Variants in STARD13 observed in about 807,000 individuals in gnomAD.
STARD13 encodes the protein StAR related lipid transfer domain containing 13, also known as stAR-related lipid transfer protein 13.
STARD13 carries 62 observed loss-of-function variants against 106.4 expected under a neutral mutation model. The observed-to-expected ratio is 0.58, with a 90% CI of 0.48 to 0.72. The LOEUF (loss-of-function observed/expected upper bound fraction) is 0.72. Among genes scored for constraint, STARD13 ranks in the 30% least tolerant of loss-of-function variants. The probability of loss-of-function intolerance (pLI) is 0.00; values close to 1 mark genes in which losing one functional copy is unlikely to be tolerated. For missense variants in STARD13, 1,387 were observed against 1,424.0 expected (o/e 0.97, Z 0.42); for synonymous variants, 565 against 553.0 (o/e 1.02, Z -0.31).
In STARD13 at chr13:33,285,364, C is replaced by T. The variant is rs1457404638; in HGVS notation, c.169+106G>A. 9 of 1,221,714 alleles carry T rather than the reference C, an allele frequency of 7.4e-6. No individual in the cohort carries two copies. The Admixed American group carries it at 2.1e-4, about 28-fold the overall frequency. 75.7% of individuals were successfully genotyped at this position (1,221,714 alleles called of 1,614,324 possible). On this transcript the variant is annotated intron_variant, in intron 1 of 13. Coordinates refer to ENST00000336934, the MANE Select transcript of STARD13 (RefSeq NM_178006.4). ...TTACGGGTAGTGTGGCATAGAAATCCATATGTTATAAAGTGGAAACAAACA... is the reference window on the plus strand; with the variant it reads ...TTACGGGTAGTGTGGCATAGAAATCTATATGTTATAAAGTGGAAACAAACA...
At chr13:33,648,783 CT>C in the STARD13 span, among the ~76,000 whole-genome samples, 3,480 of 77,124 alleles carry the variant, frequency 0.045, 59 homozygotes, top group African/African-American at 0.19. Context: ...TTTTCTCTTT[CT>C]TTTTTTTTTT....
chr13:33,581,433 GACTA>G, the STARD13 span, among the ~76,000 whole-genome samples: 1 of 152,046 alleles, frequency 6.6e-6, no homozygotes, highest in Non-Finnish European at 1.5e-5. Context: ...TATCATAATA[GACTA>G]ACTATATTAC....
the STARD13 span, among the ~76,000 whole-genome samples, chr13:33,402,940 C>T: frequency 6.6e-6 from 1 of 152,244 alleles, no homozygotes; most frequent in Non-Finnish European, 1.5e-5. Flanking sequence ...CGTGTGTGAA[C>T]CGATTCTTCT....
the STARD13 span, among the ~76,000 whole-genome samples, chr13:33,501,391 G>A: frequency 0.99 from 150,079 of 152,264 alleles, 73,966 homozygotes; most frequent in East Asian, 1. Flanking sequence ...TAGTTTAATT[G>A]GATCCCATTT....
chr13:33,453,041 A>G, the STARD13 span, among the ~76,000 whole-genome samples: 1 of 152,210 alleles, frequency 6.6e-6, no homozygotes, highest in Non-Finnish European at 1.5e-5. Flanking sequence ...GTTGGGTATT[A>G]CCATGTGGCA....
At chr13:33,530,150 A>C in the STARD13 span, among the ~76,000 whole-genome samples, 2 of 151,232 alleles carry the variant, frequency 1.3e-5, no homozygotes, top group African/African-American at 4.9e-5. Context: ...CTTCTTCAAC[A>C]CCTTATTTTT....
chr13:33,174,341 G>A (rs957046964), intron 1 of STARD13, among the ~76,000 whole-genome samples: 7 of 151,352 alleles, frequency 4.6e-5, no homozygotes, highest in Admixed American at 1.3e-4. Flanking sequence ...CCACAGTGAC[G>A]CCCTGCCCTT....
the STARD13 span, among the ~76,000 whole-genome samples, chr13:33,445,072 T>G: frequency 3.9e-4 from 59 of 152,306 alleles, no homozygotes; most frequent in Non-Finnish European, 5.9e-4. Flanking sequence ...TAATTTTTTT[T>G]GGGAGGCTAT....
chr13:33,206,791 C>T (rs1416427972), intron 1 of STARD13, among the ~76,000 whole-genome samples: 1 of 152,138 alleles, frequency 6.6e-6, no homozygotes, highest in East Asian at 1.9e-4. Flanking sequence ...GTAATCTCAC[C>T]TTATCAGTGA....
chr13:33,207,489 T>A (rs944166774), intron 1 of STARD13, among the ~76,000 whole-genome samples: 1 of 152,160 alleles, frequency 6.6e-6, no homozygotes, highest in African/African-American at 2.4e-5. Flanking sequence ...AGTTGTAAAA[T>A]CAGATACTTC....
the STARD13 span, among the ~76,000 whole-genome samples, chr13:33,356,968 CTT>C: frequency 4.6e-5 from 7 of 152,218 alleles, no homozygotes; most frequent in African/African-American, 7.2e-5. Flanking sequence ...GCAAAGAACT[CTT>C]TGTTCTACCT....
At chr13:33,450,560 G>A in the STARD13 span, among the ~76,000 whole-genome samples, 1 of 152,068 alleles carries the variant, frequency 6.6e-6, no homozygotes, top group Admixed American at 6.6e-5. Context: ...TTTAGTTATG[G>A]AGCCTGAATG....
chr13:33,602,677 G>A, the STARD13 span, among the ~76,000 whole-genome samples: 28 of 152,274 alleles, frequency 1.8e-4, no homozygotes, highest in Admixed American at 9.2e-4. Flanking sequence ...GGAACTAGGC[G>A]GCACAGCAGG....
At chr13:33,221,606 G>A (rs531002141) in intron 1 of STARD13, among the ~76,000 whole-genome samples, 1 of 152,224 alleles carries the variant, frequency 6.6e-6, no homozygotes, top group Admixed American at 6.5e-5. Context: ...TGGGTCTCCA[G>A]CTAACTCTCG....
the STARD13 span, chr13:33,524,269 T>C: frequency 2.3e-6 from 3 of 1,280,002 alleles, no homozygotes; most frequent in Non-Finnish European, 3.0e-6. Context: ...AGTTGACATT[T>C]GGCTTGGCAC....
chr13:33,490,437 G>C, the STARD13 span, among the ~76,000 whole-genome samples: 1 of 152,142 alleles, frequency 6.6e-6, no homozygotes, highest in Non-Finnish European at 1.5e-5. Context: ...CTCCAGAGCA[G>C]ACCAGCAGGT....
chr13:33,285,783 A>G, upstream of STARD13: 2 of 1,455,580 alleles, frequency 1.4e-6, no homozygotes, highest in Admixed American at 2.6e-5. Context: ...CCAAAGCCAC[A>G]ACTCAGAATT....
chr13:33,647,010 CT>C, the STARD13 span, among the ~76,000 whole-genome samples: 1 of 152,064 alleles, frequency 6.6e-6, no homozygotes, highest in African/African-American at 2.4e-5. Flanking sequence ...GCAGCCCCCC[CT>C]AAAATATAAA....
chr13:33,150,202 T>C (rs1881090574), intron 3 of STARD13, among the ~76,000 whole-genome samples: 1 of 152,220 alleles, frequency 6.6e-6, no homozygotes, highest in African/African-American at 2.4e-5. Flanking sequence ...GTGATTGACT[T>C]TAAGTAGTTA....
Sources: allele counts gnomAD v4.1 joint callset (sites outside exome capture counted in the v4.1 genomes callset), GRCh38; gene constraint gnomAD v4.1.1; transcripts MANE v1.5; gene names NCBI Gene and HGNC (gene_info 2026-07-23, HGNC 2026-07-21).